Variants in DHRSX observed in about 807,000 individuals in gnomAD.
DHRSX encodes the protein dehydrogenase/reductase X-linked.
DHRSX carries 31 observed loss-of-function variants against 34.0 expected under a neutral mutation model. The observed-to-expected ratio is 0.91, with a 90% CI of 0.69 to 1.23. The LOEUF (loss-of-function observed/expected upper bound fraction) is 1.23, where lower values mean the gene tolerates loss of function less well. DHRSX is among the 50% of genes most tolerant of loss of function. The pLI is 0.00. For missense variants in DHRSX, 414 were observed against 428.1 expected (o/e 0.97, Z 0.29); for synonymous variants, 201 against 183.8 (o/e 1.09, Z -0.76).
In DHRSX at chrX:2,489,839, G is replaced by C. The variant is rs368898926; in HGVS notation, c.109+10978C>G. On this transcript the variant is annotated intron_variant, in intron 1 of 6. Transcript: ENST00000334651. Reference sequence around the variant, plus strand: ...GGCCTGCTGGATGCCGGCATTGAAGGTGTGGCCCAGGCAGGGCATGTGCAC... The same window carrying C: ...GGCCTGCTGGATGCCGGCATTGAAGCTGTGGCCCAGGCAGGGCATGTGCAC... 2.5e-6 allele frequency: 4 copies of C among 1,613,598 alleles called. No homozygotes were observed. In the African/African-American group the frequency reaches 5.3e-5, roughly 22 times the overall value.
At chrX:2,369,767 G>C (rs760240614) in intron 3 of DHRSX, among the ~76,000 whole-genome samples, 1 of 152,114 alleles carries the variant, frequency 6.6e-6, no homozygotes, top group Non-Finnish European at 1.5e-5. Context: ...GCCTCCCCAA[G>C]TGCTGGGATT....
At chrX:2,341,236 T>A (rs952666347) in intron 3 of DHRSX, among the ~76,000 whole-genome samples, 7 of 152,052 alleles carry the variant, frequency 4.6e-5, no homozygotes, top group Non-Finnish European at 1.0e-4. Flanking sequence ...AGACTCATGT[T>A]CTCCAGAGCT....
intron 1 of DHRSX, among the ~76,000 whole-genome samples, chrX:2,441,726 T>C (rs1002701168): frequency 2.6e-5 from 4 of 152,122 alleles, no homozygotes; most frequent in Non-Finnish European, 1.5e-5. Context: ...CAAAGTCTAC[T>C]GAAAATCTCA....
chrX:2,454,110 C>G (rs2044264304), intron 1 of DHRSX, among the ~76,000 whole-genome samples: 1 of 152,042 alleles, frequency 6.6e-6, no homozygotes, highest in Admixed American at 6.6e-5. Context: ...AAACAAGTCC[C>G]AGTTTCGAGG....
intron 3 of DHRSX, among the ~76,000 whole-genome samples, chrX:2,359,415 C>T (rs1394078123): frequency 2.0e-5 from 3 of 152,152 alleles, no homozygotes; most frequent in Non-Finnish European, 4.4e-5. Context: ...CGGTGGCTCA[C>T]GCCTGTAATT....
intron 3 of DHRSX, among the ~76,000 whole-genome samples, chrX:2,315,515 T>A (rs759481293): frequency 9.7e-4 from 148 of 152,272 alleles, no homozygotes; most frequent in African/African-American, 3.4e-3. Context: ...CATAGCAGCA[T>A]TAACAGCTTG....
At chrX:2,298,708 G>A (rs1373530369) in intron 3 of DHRSX, among the ~76,000 whole-genome samples, 3 of 148,970 alleles carry the variant, frequency 2.0e-5, no homozygotes, top group Admixed American at 6.6e-5. Flanking sequence ...AAAACGGGCC[G>A]GGCGCGGCAG....
chrX:2,499,198 G>A (rs1300632316), intron 1 of DHRSX, among the ~76,000 whole-genome samples: 1 of 152,084 alleles, frequency 6.6e-6, no homozygotes, highest in African/African-American at 2.4e-5. Flanking sequence ...TCGCCTGGCT[G>A]ACTCCCAGTC....
intron 3 of DHRSX, among the ~76,000 whole-genome samples, chrX:2,346,786 C>T (rs771752565): frequency 1.3e-5 from 2 of 152,142 alleles, no homozygotes; most frequent in African/African-American, 2.4e-5. Context: ...TCTCCTAATG[C>T]TATCCCTCCC....
At chrX:2,291,720 TCTGCTC>T in intron 3 of DHRSX, 117 bp from the exon 4 acceptor site, 1 of 678,510 alleles carries the variant, frequency 1.5e-6, no homozygotes, top group Non-Finnish European at 2.6e-6. Context: ...TTTTTTTTTT[TCTGCTC>T]TTTTTGAGAT....
chrX:2,419,227 C>T (rs2043739520), intron 2 of DHRSX, among the ~76,000 whole-genome samples: 2 of 152,072 alleles, frequency 1.3e-5, no homozygotes, highest in Non-Finnish European at 2.9e-5. Flanking sequence ...GGAATTAGTA[C>T]CCTTATAAAA....
rs2016174246 is a variant in DHRSX at position 2,242,941 on chromosome X, C to T, written c.804+82G>A. The T allele has an allele frequency of 3.7e-6, 5 of 1,366,242 alleles. No individual in the cohort carries two copies. In the Admixed American group the frequency reaches 1.0e-4, roughly 27 times the overall value. 84.6% of individuals were successfully genotyped at this position (1,366,242 alleles called of 1,614,324 possible). A position where few individuals can be genotyped will look rare whatever the true frequency, so the allele number is the denominator to read the frequency against. On this transcript the variant is annotated intron_variant, in intron 6 of 6. Coordinates refer to ENST00000334651, the MANE Select transcript of DHRSX (RefSeq NM_145177.3). ...TTCTTGCACGAGATCCAAGAACCCT[C>T]CCTTGGGGTCTGGACTGGGGACCCC...
intron 3 of DHRSX, among the ~76,000 whole-genome samples, chrX:2,377,342 C>T (rs1036080654): frequency 2.6e-5 from 4 of 151,686 alleles, no homozygotes; most frequent in African/African-American, 9.7e-5. Context: ...ACTAGATGGT[C>T]CCATCCGGGG....
At chrX:2,286,692 G>GA (rs760386790) in intron 4 of DHRSX, among the ~76,000 whole-genome samples, 85,277 of 146,746 alleles carry the variant, frequency 0.58, 26,077 homozygotes, top group Middle Eastern at 0.72. Flanking sequence ...ACCCACAGAG[G>GA]AAAAAAAAAA....
At chrX:2,243,798 T>TGTTTTG (rs1460406117) in intron 5 of DHRSX, among the ~76,000 whole-genome samples, 72 of 93,806 alleles carry the variant, frequency 7.7e-4, no homozygotes, top group East Asian at 2.1e-3. Flanking sequence ...GTTTTTTTTT[T>TGTTTTG]TTTTTTTTTT....
chrX:2,465,753 G>A (rs759050520), intron 1 of DHRSX, among the ~76,000 whole-genome samples: 1 of 148,518 alleles, frequency 6.7e-6, no homozygotes, highest in Admixed American at 6.8e-5. Context: ...TGGCTGCAGT[G>A]AGCCCAGATT....
intron 4 of DHRSX, among the ~76,000 whole-genome samples, chrX:2,270,758 G>A (rs2041540050): frequency 6.6e-6 from 1 of 152,222 alleles, no homozygotes; most frequent in South Asian, 2.1e-4. Context: ...GACTTCCTGG[G>A]TCGAGTGGAG....
chrX:2,302,735 G>A (rs1274292809), intron 3 of DHRSX, among the ~76,000 whole-genome samples: 1 of 152,098 alleles, frequency 6.6e-6, no homozygotes, highest in East Asian at 1.9e-4. Context: ...GACATGTTCA[G>A]AAATTGAAAG....
Position 2,302,102 on chromosome X carries a change from C to T in DHRSX, c.287-10499G>A, listed in dbSNP as rs181237918. ...GTTTTATTGTGGCTGATCTAGGACACTTTAAATAACACAACATCCAAGAGT... is the reference window on the plus strand; with the variant it reads ...GTTTTATTGTGGCTGATCTAGGACATTTTAAATAACACAACATCCAAGAGT... On this transcript the variant is annotated intron_variant, in intron 3 of 6. Coordinates refer to ENST00000334651, the MANE Select transcript of DHRSX (RefSeq NM_145177.3). Among the ~76,000 whole-genome samples, 1,411 of 152,182 alleles carry T rather than the reference C, an allele frequency of 9.3e-3. 18 individuals are homozygous for T. Among genetic ancestry groups the T allele is most frequent in the African/African-American group, 0.029 (1,218 of 41,518 alleles).
Sources: allele counts gnomAD v4.1 joint callset (sites outside exome capture counted in the v4.1 genomes callset), GRCh38; gene constraint gnomAD v4.1.1; transcripts MANE v1.5; gene names NCBI Gene and HGNC (gene_info 2026-07-23, HGNC 2026-07-21).